CRTC1: variants seen among roughly 807,000 people sequenced by gnomAD.
CRTC1 encodes the protein CREB regulated transcription coactivator 1.
In CRTC1, 18 loss-of-function variants were observed where a neutral mutation model predicts 66.1. The observed-to-expected ratio is 0.27, with a 90% CI of 0.19 to 0.40. The LOEUF is 0.40. Ranked by LOEUF, CRTC1 falls within the 10% of genes least tolerant of loss-of-function variation. The pLI is 1.00. For synonymous variants in CRTC1, 416 were observed against 398.8 expected (o/e 1.04, Z -0.51); for missense variants, 669 against 887.9 (o/e 0.75, Z 3.13).
chr19:18,777,590 C>T lies in CRTC1; in HGVS notation c.*208C>T, dbSNP rs1284656421. 1.8e-5 allele frequency: 10 copies of T among 551,398 alleles called. No homozygotes were observed. Among genetic ancestry groups the T allele is most frequent in the East Asian group, 9.9e-5 (3 of 30,436 alleles). The allele number at this position is 551,398 out of a possible 1,614,324, so 34.2% of individuals were successfully genotyped here. A position where few individuals can be genotyped will look rare whatever the true frequency, so the allele number is the denominator to read the frequency against. ...GAGCCGGGCCGTCCACCCACCCGCC[C>T]GCCCAGGGCTGGGCTGGGATCGGAG... On this transcript the variant is annotated 3_prime_UTR_variant, in exon 14 of 14. Coordinates refer to ENST00000321949, the MANE Select transcript of CRTC1 (RefSeq NM_015321.3). This position sits in a 1 kb window ranked among gnomAD's most constrained non-coding sequence, Gnocchi z 5.5.
intron 10 of CRTC1, among the ~76,000 whole-genome samples, chr19:18,770,301 G>C (rs2145846313): frequency 6.6e-6 from 1 of 152,374 alleles, no homozygotes; most frequent in South Asian, 2.1e-4. Context: ...CCTCGAGCAG[G>C]TGGAGGAAGT....
chr19:18,710,569 C>T (rs1206435341), intron 1 of CRTC1, among the ~76,000 whole-genome samples: 1 of 152,186 alleles, frequency 6.6e-6, no homozygotes, highest in Non-Finnish European at 1.5e-5. Flanking sequence ...GTCACACTCT[C>T]AGGCACCCTT....
At chr19:18,703,616 C>A (rs1232545702) in intron 1 of CRTC1, among the ~76,000 whole-genome samples, 1 of 152,148 alleles carries the variant, frequency 6.6e-6, no homozygotes. Context: ...GCATGCACCA[C>A]CATGCCCGGC....
rs527983144 is a variant in CRTC1, at chr19:18,771,681, C to T, written c.1425+135C>T. 1.8e-4 allele frequency: 126 copies of T among 716,660 alleles called. No homozygotes were observed. In the African/African-American group the frequency reaches 1.9e-3, roughly 11 times the overall value. 44.4% of individuals were successfully genotyped at this position (716,660 alleles called of 1,614,324 possible). On this transcript the variant is annotated intron_variant, in intron 11 of 13. Coordinates refer to ENST00000321949, the MANE Select transcript of CRTC1 (RefSeq NM_015321.3). The surrounding 1 kb of genome is among the most constrained non-coding windows in gnomAD (Gnocchi z 4.6). Reference sequence around the variant, plus strand: ...CCTCATGCATCCCATCCCGTCCACGCCATCGGACCTGAGCTGTGCACCTAC... The same window carrying T: ...CCTCATGCATCCCATCCCGTCCACGTCATCGGACCTGAGCTGTGCACCTAC...
chr19:18,763,807 G>A (rs1363624057), intron 8 of CRTC1, among the ~76,000 whole-genome samples: 2 of 152,076 alleles, frequency 1.3e-5, no homozygotes, highest in South Asian at 2.1e-4. Flanking sequence ...ACTTTGTACC[G>A]AGCCCGACCT....
chr19:18,716,942 T>C (rs2053521235), intron 1 of CRTC1, among the ~76,000 whole-genome samples: 1 of 151,988 alleles, frequency 6.6e-6, no homozygotes, highest in Admixed American at 6.5e-5. Flanking sequence ...TGCTCGTGTG[T>C]GTGCAAGTGA....
rs957255820 is a variant in CRTC1, at chr19:18,771,040, G to A, written c.1321-402G>A. 6.6e-6 allele frequency among the ~76,000 whole-genome samples: 1 copy of A among 152,076 alleles called. No homozygotes were observed. Among genetic ancestry groups the A allele is most frequent in the African/African-American group, 2.4e-5 (1 of 41,382 alleles). On this transcript the variant is annotated intron_variant, in intron 10 of 13. Coordinates refer to ENST00000321949, the MANE Select transcript of CRTC1 (RefSeq NM_015321.3). The surrounding 1 kb of genome is among the most constrained non-coding windows in gnomAD (Gnocchi z 4.6). ...TGGATATGTGCACATGTGTGGGTGT[G>A]CATGTGTGGGTATGTATATTCTAGT...
At chr19:18,685,067 G>A (rs1273244952) in intron 1 of CRTC1, among the ~76,000 whole-genome samples, 2 of 152,314 alleles carry the variant, frequency 1.3e-5, no homozygotes, top group East Asian at 3.9e-4. Flanking sequence ...TCCAGATTCA[G>A]CCACTGATGT....
intron 1 of CRTC1, among the ~76,000 whole-genome samples, chr19:18,725,315 AT>A (rs2053724228): frequency 1.3e-5 from 2 of 151,774 alleles, no homozygotes; most frequent in South Asian, 4.2e-4. Context: ...AGGTGGCTTG[AT>A]CCATCTCAGT....
At chr19:18,776,107 C>T (rs917775294) in intron 13 of CRTC1, among the ~76,000 whole-genome samples, 12 of 152,312 alleles carry the variant, frequency 7.9e-5, no homozygotes, top group Non-Finnish European at 1.6e-4. Flanking sequence ...CCAAGCAGCC[C>T]GGGTAAAGGT....
chr19:18,691,025 CAA>C (rs751088340), intron 1 of CRTC1, among the ~76,000 whole-genome samples: 10 of 58,102 alleles, frequency 1.7e-4, no homozygotes, highest in East Asian at 4.8e-4. Flanking sequence ...GACTCCGTCT[CAA>C]AAAAAAAAAA....
rs370301401 is a variant in CRTC1 at position 18,741,946 on chromosome 19, C to T, written c.127-964C>T. Among the ~76,000 whole-genome samples the T allele has an allele frequency of 1.7e-4, 26 of 152,204 alleles. No individual in the cohort carries two copies. The highest frequency in any genetic ancestry group is 5.3e-4 in the African/African-American group (22 of 41,542). ...CAGGAGCTGTTTGTAAGGAACGAGTCGGCCTTGTTGTGTACACAGTGTCCA... is the reference window on the plus strand; with the variant it reads ...CAGGAGCTGTTTGTAAGGAACGAGTTGGCCTTGTTGTGTACACAGTGTCCA... On this transcript the variant is annotated intron_variant, in intron 1 of 13. Transcript: ENST00000321949. This position sits in a 1 kb window ranked among gnomAD's most constrained non-coding sequence, Gnocchi z 4.2.
intron 6 of CRTC1, among the ~76,000 whole-genome samples, chr19:18,756,152 G>A (rs1026624538): frequency 5.3e-5 from 8 of 152,048 alleles, no homozygotes; most frequent in Middle Eastern, 3.4e-3. Flanking sequence ...TCGACAACAT[G>A]GTAAAATCCC....
intron 1 of CRTC1, among the ~76,000 whole-genome samples, chr19:18,722,287 A>G (rs1049994502): frequency 6.6e-6 from 1 of 152,200 alleles, no homozygotes; most frequent in Non-Finnish European, 1.5e-5. Flanking sequence ...CAGGCATGCC[A>G]GGTGCCTCCC....
intron 1 of CRTC1, among the ~76,000 whole-genome samples, chr19:18,709,304 T>C (rs2053336288): frequency 6.6e-6 from 1 of 152,164 alleles, no homozygotes; most frequent in Non-Finnish European, 1.5e-5. Flanking sequence ...CCTCATCCTC[T>C]GTCCTGATGT....
At chr19:18,701,808 G>T (rs1389430760) in intron 1 of CRTC1, among the ~76,000 whole-genome samples, 2 of 151,646 alleles carry the variant, frequency 1.3e-5, no homozygotes, top group Non-Finnish European at 2.9e-5. Flanking sequence ...AGTAGAGACG[G>T]GGTTTCACCA....
chr19:18,762,730 G>A (rs185156630), intron 8 of CRTC1, among the ~76,000 whole-genome samples: 2 of 152,332 alleles, frequency 1.3e-5, no homozygotes, highest in Admixed American at 6.5e-5. Flanking sequence ...TGTTCCCAAA[G>A]GTGAGCCAGG....
At chr19:18,759,018 G>A (rs868433778) in intron 6 of CRTC1, among the ~76,000 whole-genome samples, 3 of 152,204 alleles carry the variant, frequency 2.0e-5, no homozygotes, top group Middle Eastern at 3.2e-3. Context: ...AGCGTTGGGA[G>A]TGTCAAGAGG....
At chr19:18,718,166 C>T (rs2053548863) in intron 1 of CRTC1, among the ~76,000 whole-genome samples, 2 of 152,106 alleles carry the variant, frequency 1.3e-5, no homozygotes, top group Admixed American at 1.3e-4. Flanking sequence ...TCCTCTCCTC[C>T]CCAGCCCCTG....
Sources: gnomAD v4.1 joint callset for allele counts (sites outside exome capture counted in the v4.1 genomes callset) on GRCh38, gnomAD v4.1.1 for gene constraint, Gnocchi (gnomAD v3.1) non-coding constraint, MANE v1.5 for transcripts, NCBI Gene and HGNC (gene_info 2026-07-23, HGNC 2026-07-21) for gene names.